Variants in ADAMTS6 observed in about 807,000 individuals in gnomAD.
ADAMTS6 encodes ADAM metallopeptidase with thrombospondin type 1 motif 6, also known as A disintegrin and metalloproteinase with thrombospondin motifs 6.
In ADAMTS6, 23 loss-of-function variants were observed where a neutral mutation model predicts 144.3. The observed-to-expected ratio is 0.16, with a 90% confidence interval of 0.11 to 0.23. ADAMTS6 has a LOEUF of 0.23. Ranked by LOEUF, ADAMTS6 falls within the 10% of genes least tolerant of loss-of-function variation. The pLI, the probability that ADAMTS6 is intolerant of heterozygous loss-of-function variation, is 1.00. For missense variants in ADAMTS6, 999 were observed against 1,379.6 expected, an observed-to-expected ratio of 0.72 and a Z score of 4.37; for synonymous variants, 444 against 457.5, an observed-to-expected ratio of 0.97 and a Z score of 0.38.
At chr5:65,167,050 A>G (rs1753213219) in intron 24 of ADAMTS6, among the ~76,000 whole-genome samples, 1 of 145,844 alleles carries the variant, frequency 6.9e-6, no homozygotes, top group Non-Finnish European at 1.5e-5. Flanking sequence ...AACTGAAGGA[A>G]ATAGAGACAC....
intron 15 of ADAMTS6, among the ~76,000 whole-genome samples, chr5:65,233,371 C>G (rs1231690598): frequency 6.6e-6 from 1 of 151,760 alleles, no homozygotes; most frequent in African/African-American, 2.4e-5. Context: ...AAAAGGCATG[C>G]AAGATGGAAT....
At chr5:65,375,049 CTAGCCATATGTAGAA>C (rs1486657969) in intron 7 of ADAMTS6, among the ~76,000 whole-genome samples, 1 of 152,168 alleles carries the variant, frequency 6.6e-6, no homozygotes, top group African/African-American at 2.4e-5. Flanking sequence ...GGAAAACTGG[CTAGCCATATGTAGAA>C]AGCTGAAACT....
intron 11 of ADAMTS6, among the ~76,000 whole-genome samples, chr5:65,280,835 T>A (rs1312343940): frequency 2.0e-5 from 3 of 152,182 alleles, no homozygotes; most frequent in African/African-American, 7.2e-5. Context: ...GGGGAAAAAA[T>A]ATGCAGGACA....
Position 65,220,277 on chromosome 5 carries a change from C to T in ADAMTS6, c.2272+4043G>A, listed in dbSNP as rs78475624. Among the ~76,000 whole-genome samples the T allele has an allele frequency of 8.8e-3, 1,337 of 151,990 alleles. 18 individuals carry two copies. The highest frequency in any genetic ancestry group is 0.03 in the African/African-American group (1,253 of 41,428). On this transcript the variant is annotated intron_variant, in intron 18 of 24. Coordinates refer to ENST00000381055, the MANE Select transcript of ADAMTS6 (RefSeq NM_197941.4). ...AAGATAAATAAGGAAATATTTAAAA[C>T]TTCATAAGGAAAATAAAATGTATCA...
At chr5:65,335,452 G>A (rs1479446627) in intron 7 of ADAMTS6, among the ~76,000 whole-genome samples, 1 of 152,060 alleles carries the variant, frequency 6.6e-6, no homozygotes, top group Non-Finnish European at 1.5e-5. Flanking sequence ...GCAACATAGT[G>A]TGTTATGCCT....
chr5:65,329,716 G>T (rs150662382), intron 8 of ADAMTS6, among the ~76,000 whole-genome samples: 1 of 152,122 alleles, frequency 6.6e-6, no homozygotes, highest in Non-Finnish European at 1.5e-5. Flanking sequence ...TAGACTAGGG[G>T]TTAGATTTAT....
intron 9 of ADAMTS6, among the ~76,000 whole-genome samples, chr5:65,323,696 A>G (rs994033032): frequency 8.5e-5 from 13 of 152,130 alleles, no homozygotes; most frequent in African/African-American, 2.4e-4. Context: ...TCGCCACACC[A>G]ACTTCCACGA....
chr5:65,462,854 G>C (rs1759727459), intron 3 of ADAMTS6, among the ~76,000 whole-genome samples: 1 of 152,052 alleles, frequency 6.6e-6, no homozygotes, highest in Non-Finnish European at 1.5e-5. Context: ...GGCTAAGGCA[G>C]GTCAATCACG....
At chr5:65,278,294 G>A (rs944910949) in intron 11 of ADAMTS6, among the ~76,000 whole-genome samples, 4 of 152,110 alleles carry the variant, frequency 2.6e-5, no homozygotes, top group African/African-American at 4.8e-5. Context: ...ATACATATAC[G>A]TGTGCAAGAG....
At chr5:65,460,133 G>A (rs2150264304) in intron 4 of ADAMTS6, 37 bp downstream of exon 4, 3 of 1,607,776 alleles carry the variant, frequency 1.9e-6, no homozygotes, top group Non-Finnish European at 1.7e-6. Flanking sequence ...CAGCAATCCA[G>A]TACAATACGC....
intron 14 of ADAMTS6, among the ~76,000 whole-genome samples, chr5:65,253,184 A>G (rs1172123671): frequency 6.6e-6 from 1 of 152,126 alleles, no homozygotes; most frequent in East Asian, 1.9e-4. Flanking sequence ...GAGCCATGGT[A>G]CCCAGCCAAT....
intron 7 of ADAMTS6, among the ~76,000 whole-genome samples, chr5:65,379,124 T>A (rs2150132190): frequency 6.6e-6 from 1 of 152,346 alleles, no homozygotes. Flanking sequence ...AAAATTGTTT[T>A]AATCCTCATT....
At chr5:65,163,757 T>C (rs1752936888) in intron 24 of ADAMTS6, among the ~76,000 whole-genome samples, 1 of 152,330 alleles carries the variant, frequency 6.6e-6, no homozygotes, top group South Asian at 2.1e-4. Context: ...TTCATGTGCA[T>C]ATATTTGACC....
intron 20 of ADAMTS6, among the ~76,000 whole-genome samples, chr5:65,211,833 C>T (rs1197008256): frequency 6.6e-6 from 1 of 152,162 alleles, no homozygotes. Flanking sequence ...CTCATTCACT[C>T]ATCTAGCATT....
intron 7 of ADAMTS6, among the ~76,000 whole-genome samples, chr5:65,392,258 T>C (rs1042625539): frequency 2.6e-5 from 4 of 152,112 alleles, no homozygotes; most frequent in Non-Finnish European, 5.9e-5. Flanking sequence ...GTAGACTTTT[T>C]TTCCTTATTG....
At chr5:65,242,315 G>T in intron 14 of ADAMTS6, 109 bp from the exon 15 acceptor site, 1 of 648,036 alleles carries the variant, frequency 1.5e-6, no homozygotes, top group South Asian at 3.2e-5. Flanking sequence ...CTTATTCTGT[G>T]GCTATAATTC....
chr5:65,215,409 C>T lies in ADAMTS6; in HGVS notation c.2351G>A (p.Gly784Glu), dbSNP rs1225055383. The change falls in exon 19 of 25, where the codon GGG becomes GAG. Residue 784 changes from glycine to glutamate, a missense_variant. Gly to Glu is a moderately conservative substitution (Grantham distance 98). Coordinates refer to ENST00000381055, the MANE Select transcript of ADAMTS6 (RefSeq NM_197941.4). The part of the protein sequence containing the change: ...IDWPRKFDVA[G>E]TAFHYKRPTD... ...TGGTCTCTTGTAATGAAAAGCTGTC[C>T]CAGCAACATCAAATTTCCTAGGCCA... 3.1e-6 allele frequency: 5 copies of T among 1,613,774 alleles called. No homozygotes were observed. The African/African-American group carries it at 6.7e-5, about 22-fold the overall frequency.
chr5:65,331,573 T>A (rs1295395454), intron 8 of ADAMTS6, among the ~76,000 whole-genome samples: 1 of 152,072 alleles, frequency 6.6e-6, no homozygotes, highest in East Asian at 1.9e-4. Context: ...CCTATAAAAT[T>A]GAGACTGTCA....
intron 7 of ADAMTS6, among the ~76,000 whole-genome samples, chr5:65,391,759 CAG>C (rs908670995): frequency 6.7e-6 from 1 of 148,456 alleles, no homozygotes; most frequent in Non-Finnish European, 1.5e-5. Flanking sequence ...TTTTTTGAGA[CAG>C]AGTCTTACTG....
Sources: gnomAD v4.1 joint callset for allele counts (sites outside exome capture counted in the v4.1 genomes callset) on GRCh38, gnomAD v4.1.1 for gene constraint, MANE v1.5 for transcripts, NCBI Gene and HGNC (gene_info 2026-07-23, HGNC 2026-07-21) for gene names.